The following ATP6V1D variants were observed in gnomAD, a reference collection of about 807,000 sequenced individuals.
ATP6V1D encodes V-type proton ATPase subunit D.
A neutral mutation model predicts 39.4 loss-of-function variants in ATP6V1D; 20 were observed. That is an observed-to-expected ratio of 0.51 (90% CI 0.36 to 0.74). ATP6V1D has a LOEUF of 0.74. Ranked by LOEUF, ATP6V1D falls within the 30% of genes least tolerant of loss-of-function variation. The probability of loss-of-function intolerance (pLI) is 0.00; values close to 1 mark genes in which losing one functional copy is unlikely to be tolerated. For missense variants in ATP6V1D, 228 were observed against 291.6 expected (o/e 0.78, Z 1.59); for synonymous variants, 100 against 100.5 (o/e 0.99, Z 0.03).
chr14:67,343,380 A>C lies in ATP6V1D; in HGVS notation c.515T>G (p.Ile172Ser). ...IKITNRRVNA[I>S]EHVIIPRIER... ...CAGTACCTAATACTCACCATGTTCA[A>C]TGGCATTTACACGCCTGTTGGTTAT... The change falls in exon 7 of 9, where the codon ATT becomes AGT. Residue 172 changes from isoleucine to serine, a missense_variant. Physicochemically the swap from Ile to Ser is moderately radical, Grantham distance 142. This residue lies in a region of ATP6V1D where 114 missense variants were observed against 128.3 expected (regional missense o/e 0.89). Transcript: ENST00000216442. 6.2e-7 allele frequency: 1 copy of C among 1,611,954 alleles called. No individual in the cohort carries two copies. Among genetic ancestry groups the C allele is most frequent in the Non-Finnish European group, 8.5e-7 (1 of 1,178,194 alleles).
At chr14:67,355,972 G>A (rs1194829356) in intron 1 of ATP6V1D, among the ~76,000 whole-genome samples, 1 of 152,086 alleles carries the variant, frequency 6.6e-6, no homozygotes, top group East Asian at 1.9e-4. Context: ...ACTGCAGCCT[G>A]GACAACAGAG....
At chr14:67,345,190 T>G (rs562622265) in intron 6 of ATP6V1D, among the ~76,000 whole-genome samples, 8 of 150,670 alleles carry the variant, frequency 5.3e-5, no homozygotes, top group Admixed American at 4.6e-4. Flanking sequence ...TGCAGTGAGC[T>G]GGGATTATGC....
chr14:67,339,373 A>G (rs1366296108), intron 8 of ATP6V1D, among the ~76,000 whole-genome samples: 3 of 152,088 alleles, frequency 2.0e-5, no homozygotes, highest in Non-Finnish European at 4.4e-5. Context: ...CATTTTTTTA[A>G]AATTTTGGCT....
At chr14:67,346,564 C>T (rs1025444612) in intron 5 of ATP6V1D, among the ~76,000 whole-genome samples, 9 of 152,240 alleles carry the variant, frequency 5.9e-5, no homozygotes, top group Non-Finnish European at 1.2e-4. Context: ...ATCCACCTGC[C>T]TCAGCCTCCC....
chr14:67,348,570 G>A (rs2085637173), intron 4 of ATP6V1D, among the ~76,000 whole-genome samples: 1 of 151,904 alleles, frequency 6.6e-6, no homozygotes, highest in Non-Finnish European at 1.5e-5. Context: ...CACCCAGGCT[G>A]GAGTGCAGTG....
At chr14:67,342,235 CAAAG>C (rs1341878788) in intron 7 of ATP6V1D, among the ~76,000 whole-genome samples, 4 of 148,856 alleles carry the variant, frequency 2.7e-5, no homozygotes, top group South Asian at 2.1e-4. Context: ...AAAAAAAACA[CAAAG>C]AAAAAAAGTA....
At chr14:67,342,397 T>C (rs1371960467) in intron 7 of ATP6V1D, among the ~76,000 whole-genome samples, 1 of 151,514 alleles carries the variant, frequency 6.6e-6, no homozygotes, top group Admixed American at 6.6e-5. Context: ...ATATATAACA[T>C]TGAAGCACAG....
intron 1 of ATP6V1D, among the ~76,000 whole-genome samples, chr14:67,358,734 T>C (rs1273826989): frequency 6.6e-6 from 1 of 152,020 alleles, no homozygotes; most frequent in African/African-American, 2.4e-5. Context: ...ATAAACAGGA[T>C]GAGGAGGAGA....
chr14:67,356,428 CAAAAACAAAAAAAA>C (rs958829300), intron 1 of ATP6V1D, among the ~76,000 whole-genome samples: 3 of 113,470 alleles, frequency 2.6e-5, no homozygotes, highest in African/African-American at 9.6e-5. Flanking sequence ...CTCAAAAAAA[CAAAAACAAAAAAAA>C]AAAAACAAAA....
rs2085556204 is a variant in ATP6V1D, at chr14:67,338,490, C to T, written c.*131G>A. The T allele has an allele frequency of 1.0e-6, 1 of 963,020 alleles. No individual in the cohort carries two copies. The highest frequency in any genetic ancestry group is 1.5e-6 in the Non-Finnish European group (1 of 656,312). 59.7% of individuals were successfully genotyped at this position (963,020 alleles called of 1,614,324 possible). A position where few individuals can be genotyped will look rare whatever the true frequency, so the allele number is the denominator to read the frequency against. On this transcript the variant is annotated 3_prime_UTR_variant, in exon 9 of 9. Coordinates refer to ENST00000216442, the MANE Select transcript of ATP6V1D (RefSeq NM_015994.4). ...CTGCAAAAGTAATCCCATAAATAGA[C>T]ATCTAGGTAAATTTTACAACCAGTG... is the stretch of plus-strand genomic sequence containing the variant.
intron 3 of ATP6V1D, 91 bp downstream of exon 3, chr14:67,350,520 T>G: frequency 1.7e-6 from 2 of 1,157,174 alleles, no homozygotes; most frequent in Non-Finnish European, 2.5e-6. Context: ...TCCTTAACGC[T>G]TATTTCTAAA....
intron 6 of ATP6V1D, among the ~76,000 whole-genome samples, chr14:67,343,771 G>A (rs1406072870): frequency 6.6e-6 from 1 of 152,228 alleles, no homozygotes; most frequent in African/African-American, 2.4e-5. Flanking sequence ...TTGGTAATCT[G>A]TGATGGGAGG....
intron 6 of ATP6V1D, among the ~76,000 whole-genome samples, chr14:67,344,272 C>T (rs907067767): frequency 2.6e-5 from 4 of 152,204 alleles, no homozygotes; most frequent in African/African-American, 9.6e-5. Flanking sequence ...AGCCTTCCAA[C>T]TTGTAGCAGA....
chr14:67,359,002 C>T (rs1211972217), intron 1 of ATP6V1D, among the ~76,000 whole-genome samples: 1 of 152,200 alleles, frequency 6.6e-6, no homozygotes, highest in Non-Finnish European at 1.5e-5. Context: ...AAACAAATAT[C>T]TACTTTACAG....
At chr14:67,350,758 T>C in intron 2 of ATP6V1D, 68 bp from the exon 3 acceptor site, 1 of 1,424,762 alleles carries the variant, frequency 7.0e-7, no homozygotes, top group Non-Finnish European at 9.9e-7. Flanking sequence ...ATCATAATTA[T>C]GTTCCTTTAA....
At chr14:67,343,594 A>G (rs2085601248) in intron 6 of ATP6V1D, among the ~76,000 whole-genome samples, 156 bp from the exon 7 acceptor site, 2 of 152,254 alleles carry the variant, frequency 1.3e-5, no homozygotes, top group Non-Finnish European at 2.9e-5. Context: ...GGCTGGGCGC[A>G]TGGCTCACGC....
chr14:67,352,874 T>G (rs1024650953), intron 2 of ATP6V1D, 49 bp downstream of exon 2: 1 of 1,272,506 alleles, frequency 7.9e-7, no homozygotes, highest in Non-Finnish European at 1.1e-6. Flanking sequence ...CCAAGGGCCA[T>G]GCTGGATTTT....
chr14:67,341,533 T>C (rs373373073), intron 7 of ATP6V1D, among the ~76,000 whole-genome samples: 28,389 of 147,632 alleles, frequency 0.19, 4,319 homozygotes, highest in East Asian at 0.49. Flanking sequence ...GCCCCCCGCC[T>C]GGCCAGCCGC....
At chr14:67,344,888 AAAAC>A (rs991072249) in intron 6 of ATP6V1D, among the ~76,000 whole-genome samples, 4 of 151,902 alleles carry the variant, frequency 2.6e-5, no homozygotes, top group Non-Finnish European at 5.9e-5. Context: ...CTCAAAGAAA[AAAAC>A]AAACAAACAA....
Sources: gnomAD v4.1 joint callset for allele counts (sites outside exome capture counted in the v4.1 genomes callset) on GRCh38, gnomAD v4.1.1 for gene constraint, gnomAD v4.1.1 regional missense constraint, MANE v1.5 for transcripts, NCBI Gene and HGNC (gene_info 2026-07-23, HGNC 2026-07-21) for gene names.